The following ZBTB7C variants were observed in gnomAD, a reference collection of about 807,000 sequenced individuals.
The protein encoded by ZBTB7C is zinc finger and BTB domain-containing protein 7C.
A neutral mutation model predicts 25.7 loss-of-function variants in ZBTB7C; 8 were observed. The ratio of observed to expected loss-of-function variants is 0.31; its 90% confidence interval spans 0.18 to 0.56. ZBTB7C has a LOEUF of 0.56. Ranked by LOEUF, ZBTB7C falls within the 20% of genes least tolerant of loss-of-function variation. The pLI is 0.91. For synonymous variants in ZBTB7C, 394 were observed against 369.0 expected, an observed-to-expected ratio of 1.07 and a Z score of -0.78; for missense variants, 824 against 855.2, an observed-to-expected ratio of 0.96 and a Z score of 0.46.
intron 1 of ZBTB7C, among the ~76,000 whole-genome samples, chr18:48,369,381 G>A (rs1280526007): frequency 6.6e-6 from 1 of 151,884 alleles, no homozygotes; most frequent in African/African-American, 2.4e-5. Flanking sequence ...AAACAGAAAT[G>A]AAAGACAGAG....
chr18:48,166,469 C>T (rs11661007), intron 3 of ZBTB7C, among the ~76,000 whole-genome samples: 2 of 152,120 alleles, frequency 1.3e-5, no homozygotes, highest in African/African-American at 4.8e-5. Context: ...GCTTCTCAGA[C>T]CCCCGGTTTC....
chr18:48,286,046 AT>A (rs1236223302), intron 2 of ZBTB7C, among the ~76,000 whole-genome samples: 9 of 152,126 alleles, frequency 5.9e-5, no homozygotes, highest in African/African-American at 2.2e-4. Flanking sequence ...GACTACATTC[AT>A]TTTTTCAGGT....
chr18:48,044,191 T>C (rs2036375813), intron 3 of ZBTB7C, among the ~76,000 whole-genome samples: 1 of 152,164 alleles, frequency 6.6e-6, no homozygotes, highest in Non-Finnish European at 1.5e-5. Context: ...AGATGGACCA[T>C]ACCCACCCAG....
chr18:48,357,753 A>G (rs1598945475), intron 1 of ZBTB7C, among the ~76,000 whole-genome samples: 1 of 152,222 alleles, frequency 6.6e-6, no homozygotes, highest in African/African-American at 2.4e-5. Flanking sequence ...GCCTGAGACA[A>G]CAAAAGTGGA....
intron 1 of ZBTB7C, among the ~76,000 whole-genome samples, chr18:48,395,853 G>A (rs545544904): frequency 4.3e-4 from 66 of 152,272 alleles, no homozygotes; most frequent in Non-Finnish European, 7.1e-4. Flanking sequence ...GCTGAGTCAG[G>A]TCTATACAGA....
At chr18:48,394,631 T>A (rs570726574) in intron 1 of ZBTB7C, among the ~76,000 whole-genome samples, 1 of 152,110 alleles carries the variant, frequency 6.6e-6, no homozygotes, top group African/African-American at 2.4e-5. Flanking sequence ...TGCTTAGAAG[T>A]AGGGTAACGT....
At chr18:48,209,679 C>T (rs900518667) in intron 2 of ZBTB7C, among the ~76,000 whole-genome samples, 3 of 151,834 alleles carry the variant, frequency 2.0e-5, no homozygotes, top group Non-Finnish European at 2.9e-5. Context: ...TTGCTTGAAC[C>T]CAGGAGGTCA....
At chr18:48,219,387 C>T (rs540026348) in intron 2 of ZBTB7C, among the ~76,000 whole-genome samples, 1 of 152,326 alleles carries the variant, frequency 6.6e-6, no homozygotes, top group African/African-American at 2.4e-5. Flanking sequence ...TGACTTCATG[C>T]AGGGCCTTGT....
At chr18:48,355,961 C>T (rs538961263) in intron 1 of ZBTB7C, among the ~76,000 whole-genome samples, 1 of 152,284 alleles carries the variant, frequency 6.6e-6, no homozygotes, top group East Asian at 1.9e-4. Context: ...GTGAACTTTT[C>T]CTGGGCCAGC....
intron 3 of ZBTB7C, among the ~76,000 whole-genome samples, chr18:48,095,185 A>G (rs1472576718): frequency 2.0e-5 from 3 of 152,176 alleles, no homozygotes; most frequent in African/African-American, 7.2e-5. Context: ...AGGTCTGGAG[A>G]AAAATAAGGA....
At chr18:48,200,498 T>C (rs1404757067) in intron 2 of ZBTB7C, among the ~76,000 whole-genome samples, 3 of 152,116 alleles carry the variant, frequency 2.0e-5, no homozygotes, top group African/African-American at 7.2e-5. Flanking sequence ...AAATATCTCA[T>C]ACCACAAGCA....
intron 1 of ZBTB7C, among the ~76,000 whole-genome samples, chr18:48,345,242 G>T (rs1185772633): frequency 1.3e-5 from 2 of 152,200 alleles, no homozygotes; most frequent in Non-Finnish European, 2.9e-5. Flanking sequence ...GCTGCAGTAG[G>T]TGTGCACTGG....
chr18:48,098,614 T>G (rs923906202), intron 3 of ZBTB7C, among the ~76,000 whole-genome samples: 1 of 152,162 alleles, frequency 6.6e-6, no homozygotes, highest in Non-Finnish European at 1.5e-5. Context: ...TTCTGTGGAT[T>G]CTCCGCTCCC....
intron 2 of ZBTB7C, among the ~76,000 whole-genome samples, chr18:48,239,136 C>A (rs1203046208): frequency 6.6e-6 from 1 of 152,140 alleles, no homozygotes; most frequent in East Asian, 1.9e-4. Context: ...TGAGAACCAA[C>A]CCTCATCCCC....
chr18:48,069,163 C>A (rs2037449596), intron 3 of ZBTB7C, among the ~76,000 whole-genome samples: 5 of 152,212 alleles, frequency 3.3e-5, no homozygotes, highest in Admixed American at 3.3e-4. Context: ...GCTGGATTGA[C>A]TGAATCAATG....
At chr18:48,182,323 A>G (rs1451735497) in intron 3 of ZBTB7C, among the ~76,000 whole-genome samples, 1 of 152,230 alleles carries the variant, frequency 6.6e-6, no homozygotes, top group African/African-American at 2.4e-5. Context: ...CTTGCTTGCA[A>G]GAGAAAAACA....
At chr18:48,061,050 G>A (rs961766206) in intron 3 of ZBTB7C, among the ~76,000 whole-genome samples, 5 of 152,204 alleles carry the variant, frequency 3.3e-5, no homozygotes, top group African/African-American at 9.6e-5. Flanking sequence ...GTATGACCCT[G>A]TTCTGGCCAC....
intron 2 of ZBTB7C, among the ~76,000 whole-genome samples, chr18:48,201,414 C>T (rs569730651): frequency 3.3e-5 from 5 of 152,172 alleles, no homozygotes; most frequent in Non-Finnish European, 7.4e-5. Context: ...GATCGGGGCT[C>T]CTCTGATGTC....
At chr18:48,171,790 C>G (rs1486952665) in intron 3 of ZBTB7C, among the ~76,000 whole-genome samples, 2 of 152,256 alleles carry the variant, frequency 1.3e-5, no homozygotes, top group East Asian at 1.9e-4. Context: ...TGTGGGGCAA[C>G]AGCCCTGCAA....
Sources: allele counts gnomAD v4.1 joint callset (sites outside exome capture counted in the v4.1 genomes callset), GRCh38; gene constraint gnomAD v4.1.1; transcripts MANE v1.5; gene names NCBI Gene and HGNC (gene_info 2026-07-23, HGNC 2026-07-21).